The following DNAH14 variants were observed in gnomAD, a reference collection of about 807,000 sequenced individuals.
DNAH14 encodes the protein dynein axonemal heavy chain 14.
DNAH14 carries 478 observed loss-of-function variants against 520.9 expected under a neutral mutation model. The ratio of observed to expected loss-of-function variants is 0.92; its 90% CI spans 0.85 to 0.99. The LOEUF (loss-of-function observed/expected upper bound fraction) is 0.99. Ranked by LOEUF, DNAH14 falls within the 50% of genes least tolerant of loss-of-function variation. The probability of loss-of-function intolerance (pLI) is 0.00; values close to 1 mark genes in which losing one functional copy is unlikely to be tolerated. For missense variants in DNAH14, 4,831 were observed against 5,234.5 expected (o/e 0.92, Z 2.38); for synonymous variants, 1,581 against 1,757.2 (o/e 0.90, Z 2.51).
chr1:225,207,368 T>G, intron 41 of DNAH14, 148 bp downstream of exon 41: 1 of 739,278 alleles, frequency 1.4e-6, no homozygotes, highest in Non-Finnish European at 2.0e-6. Flanking sequence ...ATGGAACAAA[T>G]TAAAAACCAT....
At chr1:225,260,351 C>CA (rs1252770479) in intron 46 of DNAH14, among the ~76,000 whole-genome samples, 14,074 of 104,378 alleles carry the variant, frequency 0.13, 922 homozygotes, top group East Asian at 0.28. Flanking sequence ...GACTCCATCT[C>CA]AAAAAAAAAA....
At chr1:225,024,061 G>T in intron 11 of DNAH14, 196 bp downstream of exon 11, 1 of 1,202,326 alleles carries the variant, frequency 8.3e-7, no homozygotes, top group Non-Finnish European at 1.0e-6. Flanking sequence ...TATAGGATGC[G>T]CAGTAAAATT....
chr1:225,059,782 A>G (rs1402644071), intron 17 of DNAH14, among the ~76,000 whole-genome samples: 4 of 152,052 alleles, frequency 2.6e-5, no homozygotes, highest in South Asian at 2.1e-4. Context: ...TCCTTCACTT[A>G]TGGAGCTTAG....
At chr1:225,153,925 G>T in intron 34 of DNAH14, 99 bp downstream of exon 34, 1 of 847,372 alleles carries the variant, frequency 1.2e-6, no homozygotes. Flanking sequence ...AAAACAGGGA[G>T]CCCCGCAGAC....
chr1:224,939,177 CAGTT>C (rs1218774353), intron 1 of DNAH14, among the ~76,000 whole-genome samples: 1 of 152,168 alleles, frequency 6.6e-6, no homozygotes, highest in East Asian at 1.9e-4. Flanking sequence ...ACTTGACTGA[CAGTT>C]ATTTTCTTCT....
At position 225,281,965 on chromosome 1, in the gene DNAH14, TAC is replaced by T. The variant is rs200558237; in HGVS notation, c.8271+4476_8271+4477del. On this transcript the variant is annotated intron_variant, in intron 54 of 85. Coordinates refer to ENST00000682510, the MANE Select transcript of DNAH14 (RefSeq NM_001367479.1). ...TTAAGAGGGTAGATCTTAATATTCA[TAC>T]ACACACACACACGACGGTAACTATG... Among the ~76,000 whole-genome samples the T allele has an allele frequency of 1.1e-4, 17 of 149,706 alleles. No individual in the cohort carries two copies. The South Asian group carries it at 1.5e-3, about 13-fold the overall frequency.
chr1:225,214,946 C>G (rs906559427), intron 41 of DNAH14, among the ~76,000 whole-genome samples: 11 of 152,254 alleles, frequency 7.2e-5, no homozygotes, highest in Non-Finnish European at 1.5e-4. Flanking sequence ...TTGCCTTCTG[C>G]TAGCTTTTGA....
At chr1:225,275,152 A>G (rs968427501) in intron 52 of DNAH14, among the ~76,000 whole-genome samples, 1 of 152,200 alleles carries the variant, frequency 6.6e-6, no homozygotes, top group African/African-American at 2.4e-5. Context: ...TTATCATACC[A>G]TACCACCCCT....
intron 46 of DNAH14, among the ~76,000 whole-genome samples, chr1:225,261,787 T>C (rs537164532): frequency 1.3e-5 from 2 of 152,150 alleles, no homozygotes; most frequent in East Asian, 3.9e-4. Context: ...CTTTGATGGG[T>C]CACTTTATTA....
chr1:225,362,948 A>G (rs1167269189), intron 75 of DNAH14, among the ~76,000 whole-genome samples: 1 of 152,138 alleles, frequency 6.6e-6, no homozygotes, highest in Non-Finnish European at 1.5e-5. Flanking sequence ...CAAAAGAGAA[A>G]AGTGTACCTA....
At chr1:225,353,061 C>G (rs1333945993) in intron 72 of DNAH14, among the ~76,000 whole-genome samples, 1 of 152,012 alleles carries the variant, frequency 6.6e-6, no homozygotes, top group East Asian at 1.9e-4. Flanking sequence ...TATAACTATA[C>G]CTTCATGTAT....
intron 41 of DNAH14, among the ~76,000 whole-genome samples, chr1:225,215,257 C>A (rs1055129911): frequency 9.2e-5 from 14 of 152,168 alleles, no homozygotes; most frequent in African/African-American, 3.1e-4. Context: ...TTTGATTTCA[C>A]TGTGGTCTGA....
chr1:225,388,424 G>A lies in DNAH14; in HGVS notation c.13123G>A (p.Asp4375Asn). 1 of 1,534,928 alleles carries A rather than the reference G, an allele frequency of 6.5e-7. No homozygotes were observed. Residue 4375 changes from aspartate (D) to asparagine (N), a missense_variant, in exon 82 of 86, where the codon GAT becomes AAT. By Grantham distance (23) the Asp-to-Asn change is conservative. Coordinates refer to ENST00000682510, the MANE Select transcript of DNAH14 (RefSeq NM_001367479.1). ...SCKPLSSWID[D>N]LIQRLNFFNT... The stretch of plus-strand genomic sequence containing the variant: ...TAAGCCACTGAGTTCCTGGATTGAT[G>A]ATCTCATCCAGCGACTGAATTTCTT...
rs372707218 is a variant in DNAH14, at chr1:225,289,836, A to C, written c.8272-49A>C. 8.9e-5 allele frequency: 109 copies of C among 1,220,050 alleles called. 1 individual carries two copies. The South Asian group carries it at 3.6e-3, about 40-fold the overall frequency. The allele number at this position is 1,220,050 out of a possible 1,614,324, so 75.6% of individuals were successfully genotyped here. ...AATAAACAGAAAACTATACGTTGAA[A>C]GATTCCCAGAAAATGTATGTCATGT... On this transcript the variant is annotated intron_variant, in intron 54 of 85. Transcript: ENST00000682510.
intron 11 of DNAH14, chr1:225,024,349 T>A: frequency 1.3e-6 from 1 of 778,420 alleles, no homozygotes; most frequent in South Asian, 5.9e-5. Context: ...GAAAAAACTA[T>A]CTGAAAAACA....
chr1:225,240,476 C>A, intron 42 of DNAH14, 117 bp from the exon 43 acceptor site: 2 of 617,394 alleles, frequency 3.2e-6, no homozygotes, highest in East Asian at 2.8e-5. Context: ...ATGTTAGTAC[C>A]TAACTGCATT....
chr1:225,225,417 A>G (rs2090444214), intron 41 of DNAH14, among the ~76,000 whole-genome samples: 1 of 152,098 alleles, frequency 6.6e-6, no homozygotes. Context: ...TGGCCCACAA[A>G]AATTAAAACT....
rs112842964 is a variant in DNAH14 at position 225,378,805 on chromosome 1, G to A, written c.12717-1354G>A. ...CTGAGGCAGAGAATTGCTTGAACCC[G>A]GGAGGGGGAGGTTGCAGTGAGCCAA... On this transcript the variant is annotated intron_variant, in intron 79 of 85. Transcript: ENST00000682510. 1.7e-3 allele frequency among the ~76,000 whole-genome samples: 256 copies of A among 151,718 alleles called. 1 individual carries two copies. Among genetic ancestry groups the A allele is most frequent in the African/African-American group, 5.9e-3 (246 of 41,366 alleles).
chr1:225,234,637 G>A (rs1364305762), intron 42 of DNAH14, among the ~76,000 whole-genome samples: 1 of 152,202 alleles, frequency 6.6e-6, no homozygotes, highest in Non-Finnish European at 1.5e-5. Flanking sequence ...GCTTTGGGCA[G>A]TATGGTCCTT....
Sources: allele counts gnomAD v4.1 joint callset (sites outside exome capture counted in the v4.1 genomes callset), GRCh38; gene constraint gnomAD v4.1.1; transcripts MANE v1.5; gene names NCBI Gene and HGNC (gene_info 2026-07-23, HGNC 2026-07-21).